TRIM24: variants seen among roughly 807,000 people sequenced by gnomAD.
TRIM24 encodes the protein transcription intermediary factor 1-alpha.
In TRIM24, 29 loss-of-function variants were observed where a neutral mutation model predicts 123.9. That is an observed-to-expected ratio of 0.23 (90% CI 0.17 to 0.32). The LOEUF (loss-of-function observed/expected upper bound fraction) is 0.32, where lower values mean the gene tolerates loss of function less well. Among genes scored for constraint, TRIM24 ranks in the 10% least tolerant of loss-of-function variants. TRIM24 has a pLI of 1.00. For missense variants in TRIM24, 932 were observed against 1,295.3 expected, an observed-to-expected ratio of 0.72 and a Z score of 4.31; for synonymous variants, 456 against 461.1, an observed-to-expected ratio of 0.99 and a Z score of 0.14.
Position 138,554,143 on chromosome 7 carries a change from G to A in TRIM24, c.1262-555G>A, listed in dbSNP as rs1355940463. ...GATAAAGAATGATAATCTCCGGGTT[G>A]GCCACTCCTAGGTTCCTTAACGCAG... On this transcript the variant is annotated intron_variant, in intron 8 of 18. Transcript: ENST00000343526. This position sits in a 1 kb window ranked among gnomAD's most constrained non-coding sequence, Gnocchi z 4.5. 6.6e-6 allele frequency among the ~76,000 whole-genome samples: 1 copy of A among 152,146 alleles called. No individual in the cohort carries two copies. Among genetic ancestry groups the A allele is most frequent in the Non-Finnish European group, 1.5e-5 (1 of 68,034 alleles).
chr7:138,585,625 G>A lies in TRIM24; in HGVS notation c.*674G>A. ...TGTTTTTGTTTTTATCTTGTCTGTA[G>A]AGGTATTTTGGTATAGCAGGTTTTC... On this transcript the variant is annotated 3_prime_UTR_variant, in exon 19 of 19. Transcript: ENST00000343526. 5.6e-6 allele frequency: 2 copies of A among 358,542 alleles called. No individual in the cohort carries two copies. The highest frequency in any genetic ancestry group is 2.4e-5 in the South Asian group (1 of 41,592). 22.2% of individuals were successfully genotyped at this position (358,542 alleles called of 1,614,324 possible).
At position 138,570,881 on chromosome 7, in the gene TRIM24, T is replaced by G. The variant is rs767202710; in HGVS notation, c.1756T>G (p.Ser586Ala). ...GTPSTTNSTS[S>A]TPSSPTITSA... Reference sequence around the variant, plus strand: ...CCCATCAACTACCAACAGCACATCCTCTACTCCTTCCAGCCCCACGATTAC... The same window carrying G: ...CCCATCAACTACCAACAGCACATCCGCTACTCCTTCCAGCCCCACGATTAC... Residue 586 changes from serine to alanine, a missense_variant, in exon 11 of 19, where the codon TCT (serine) becomes GCT (alanine). Transcript: ENST00000343526. 2 of 1,614,028 alleles carry G rather than the reference T, an allele frequency of 1.2e-6. No individual in the cohort carries two copies. Among genetic ancestry groups the G allele is most frequent in the African/African-American group, 2.7e-5 (2 of 74,914 alleles).
At chr7:138,583,592 C>T (rs928115426) in intron 17 of TRIM24, among the ~76,000 whole-genome samples, 1 of 152,166 alleles carries the variant, frequency 6.6e-6, no homozygotes, top group South Asian at 2.1e-4. Context: ...TGCACTCCAG[C>T]CTGGGTGACA....
At chr7:138,500,967 TAAAAA>T (rs57771728) in intron 1 of TRIM24, among the ~76,000 whole-genome samples, 2 of 147,538 alleles carry the variant, frequency 1.4e-5, no homozygotes, top group South Asian at 2.2e-4. Flanking sequence ...GTGTAAAAGA[TAAAAA>T]AAAAAAGGTA....
Position 138,576,625 on chromosome 7 carries a change from T to A in TRIM24, c.2087+180T>A, listed in dbSNP as rs137975416. On this transcript the variant is annotated intron_variant, in intron 13 of 18. Coordinates refer to ENST00000343526, the MANE Select transcript of TRIM24 (RefSeq NM_015905.3). ...GTTAAGGGATTAACAAAAGTACAAA[T>A]TTACCTTTGAAGATAGAAGAATATT... 3.5e-3 allele frequency among the ~76,000 whole-genome samples: 526 copies of A among 152,230 alleles called. 3 individuals are homozygous for A. The highest frequency in any genetic ancestry group is 0.012 in the African/African-American group (497 of 41,558).
chr7:138,549,364 C>T (rs1001301484), intron 7 of TRIM24, among the ~76,000 whole-genome samples: 1 of 152,116 alleles, frequency 6.6e-6, no homozygotes, highest in Non-Finnish European at 1.5e-5. Flanking sequence ...GAGGAAATCA[C>T]CAACAATGGA....
intron 9 of TRIM24, among the ~76,000 whole-genome samples, chr7:138,560,103 CAG>C: frequency 6.6e-6 from 1 of 152,322 alleles, no homozygotes; most frequent in South Asian, 2.1e-4. Context: ...GCACCTGACT[CAG>C]AGGAGGACCA....
intron 1 of TRIM24, among the ~76,000 whole-genome samples, chr7:138,465,669 T>G (rs1242009299): frequency 6.6e-6 from 1 of 152,170 alleles, no homozygotes; most frequent in African/African-American, 2.4e-5. Context: ...ATCTCATGAG[T>G]GCAATCTTTA....
intron 1 of TRIM24, among the ~76,000 whole-genome samples, chr7:138,472,175 A>C (rs184627547): frequency 6.6e-6 from 1 of 152,244 alleles, no homozygotes; most frequent in African/African-American, 2.4e-5. Flanking sequence ...GGTAATACTT[A>C]AGGGGAGAAA....
At chr7:138,514,817 G>C (rs1796362847) in intron 2 of TRIM24, 1 of 160,128 alleles carries the variant, frequency 6.2e-6, no homozygotes, top group African/African-American at 2.4e-5. Context: ...TGAGTACTCT[G>C]TGTAACCTGC....
intron 3 of TRIM24, among the ~76,000 whole-genome samples, chr7:138,516,808 G>GTTTTTTTTTTTT (rs1224612357): frequency 1.5e-5 from 2 of 131,874 alleles, no homozygotes; most frequent in African/African-American, 5.8e-5. Flanking sequence ...TAGCAAAACC[G>GTTTTTTTTTTTT]TTTTGTTTTT....
Position 138,579,380 on chromosome 7 carries a change from A to T in TRIM24, c.2433A>T (p.Ser811=), listed in dbSNP as rs770395661. 6.2e-7 allele frequency: 1 copy of T among 1,614,122 alleles called. No individual in the cohort carries two copies. The highest frequency in any genetic ancestry group is 1.1e-5 in the South Asian group (1 of 91,080). Residue 811 remains serine (S), a synonymous_variant, in exon 15 of 19, where the codon TCA becomes TCT. Coordinates refer to ENST00000343526, the MANE Select transcript of TRIM24 (RefSeq NM_015905.3). ...KSEWLDPSQK[S]PLHVGETRKE... is the part of the protein sequence containing the mutation. ...AATGGTTGGATCCTTCCCAGAAGTC[A>T]CCTCTTCATGTTGGAGAGACAAGGA...
At chr7:138,510,237 C>G (rs1424670051) in intron 2 of TRIM24, among the ~76,000 whole-genome samples, 2 of 152,294 alleles carry the variant, frequency 1.3e-5, no homozygotes, top group South Asian at 2.1e-4. Context: ...AATGTGAAAC[C>G]AGCTTGTAAA....
chr7:138,547,605 T>C (rs1797127627), intron 7 of TRIM24, among the ~76,000 whole-genome samples: 1 of 152,228 alleles, frequency 6.6e-6, no homozygotes, highest in Non-Finnish European at 1.5e-5. Flanking sequence ...AGAATATTTC[T>C]TATGGTTAGC....
At chr7:138,582,950 C>T (rs930155410) in intron 17 of TRIM24, among the ~76,000 whole-genome samples, 7 of 152,144 alleles carry the variant, frequency 4.6e-5, no homozygotes, top group Non-Finnish European at 8.8e-5. Context: ...GAAAATGTAA[C>T]CTTGAATTGT....
At chr7:138,503,160 A>T (rs13311622) in intron 1 of TRIM24, among the ~76,000 whole-genome samples, 1 of 151,860 alleles carries the variant, frequency 6.6e-6, no homozygotes, top group African/African-American at 2.4e-5. Flanking sequence ...GCCTTAAAAA[A>T]ATCACACCAT....
At position 138,589,848 on chromosome 7, in the gene TRIM24, T is replaced by C. The variant is rs1319671772; in HGVS notation, c.*4897T>C. The C allele has an allele frequency of 6.6e-6, 1 of 152,206 alleles. No individual in the cohort carries two copies. Among genetic ancestry groups the C allele is most frequent in the African/African-American group, 2.4e-5 (1 of 41,436 alleles). The allele number at this position is 152,206 out of a possible 1,614,324, so 9.4% of individuals were successfully genotyped here. A position where few individuals can be genotyped will look rare whatever the true frequency, so the allele number is the denominator to read the frequency against. ...TTTCTGAGAATTACTATGTTTTAAATTTACTATTGGATATTTAACAGATCT... is the reference window on the plus strand; with the variant it reads ...TTTCTGAGAATTACTATGTTTTAAACTTACTATTGGATATTTAACAGATCT... On this transcript the variant is annotated 3_prime_UTR_variant, in exon 19 of 19. Transcript: ENST00000343526.
At chr7:138,500,486 C>T (rs2116518892) in intron 1 of TRIM24, among the ~76,000 whole-genome samples, 1 of 151,050 alleles carries the variant, frequency 6.6e-6, no homozygotes, top group Middle Eastern at 3.4e-3. Context: ...TCACCTGAGC[C>T]CGAGAGGTGG....
rs1253897088 is a variant in TRIM24, at chr7:138,589,669, TAGG to T, written c.*4723_*4725del. ...TGCCTCATACCAGCCACTCCCAAAG[TAGG>T]AGGACCAAAGATGCCATGAAGACTT... On this transcript the variant is annotated 3_prime_UTR_variant, in exon 19 of 19. Coordinates refer to ENST00000343526, the MANE Select transcript of TRIM24 (RefSeq NM_015905.3). The T allele has an allele frequency of 6.6e-6, 1 of 152,094 alleles. No homozygotes were observed. Among genetic ancestry groups the T allele is most frequent in the East Asian group, 1.9e-4 (1 of 5,198 alleles). The allele number at this position is 152,094 out of a possible 1,614,324, so 9.4% of individuals were successfully genotyped here. A position where few individuals can be genotyped will look rare whatever the true frequency, so the allele number is the denominator to read the frequency against.
Sources: allele counts gnomAD v4.1 joint callset (sites outside exome capture counted in the v4.1 genomes callset), GRCh38; gene constraint gnomAD v4.1.1; non-coding constraint Gnocchi (gnomAD v3.1); transcripts MANE v1.5; gene names NCBI Gene and HGNC (gene_info 2026-07-23, HGNC 2026-07-21).